Variants in PSD3 observed in about 807,000 individuals in gnomAD.
The protein encoded by PSD3 is pleckstrin and Sec7 domain containing 3, also known as PH and SEC7 domain-containing protein 3.
In PSD3, 49 loss-of-function variants were observed where a neutral mutation model predicts 105.5. The observed-to-expected ratio is 0.46, with a 90% CI of 0.37 to 0.59. PSD3 has a LOEUF of 0.59. PSD3 is among the 20% of genes least tolerant of loss of function. The pLI, the probability that PSD3 is intolerant of heterozygous loss-of-function variation, is 0.00. For missense variants in PSD3, 1,561 were observed against 1,263.8 expected (o/e 1.24, Z -3.57); for synonymous variants, 557 against 457.8 (o/e 1.22, Z -2.77).
chr8:18,673,757 C>T (rs1481494191), intron 9 of PSD3, among the ~76,000 whole-genome samples: 3 of 152,148 alleles, frequency 2.0e-5, no homozygotes, highest in Non-Finnish European at 4.4e-5. Flanking sequence ...CTATTTTCAA[C>T]GTGGGGATCT....
chr8:18,971,480 A>T (rs1215518848), intron 1 of PSD3, among the ~76,000 whole-genome samples: 2 of 152,194 alleles, frequency 1.3e-5, no homozygotes, highest in East Asian at 3.9e-4. Context: ...CTCTCCTGAG[A>T]AAATACCAGA....
At chr8:19,027,061 G>A (rs1827581537) in intron 1 of PSD3, among the ~76,000 whole-genome samples, 1 of 152,062 alleles carries the variant, frequency 6.6e-6, no homozygotes, top group African/African-American at 2.4e-5. Context: ...TAAGAGGACT[G>A]CAAATAGAAT....
intron 4 of PSD3, among the ~76,000 whole-genome samples, chr8:18,834,604 G>A (rs555002167): frequency 7.2e-5 from 11 of 152,178 alleles, no homozygotes; most frequent in African/African-American, 2.6e-4. Context: ...TCTGGGCCGC[G>A]GATACCCATG....
intron 9 of PSD3, among the ~76,000 whole-genome samples, chr8:18,710,396 A>G (rs1802179146): frequency 6.6e-6 from 1 of 152,194 alleles, no homozygotes; most frequent in Non-Finnish European, 1.5e-5. Context: ...GACAGGGGGA[A>G]CAGAACCAGG....
At chr8:18,829,454 G>A (rs1413002568) in intron 4 of PSD3, among the ~76,000 whole-genome samples, 2 of 152,160 alleles carry the variant, frequency 1.3e-5, no homozygotes, top group Non-Finnish European at 2.9e-5. Context: ...TATCTAAAAC[G>A]TTCTAGTGCC....
intron 12 of PSD3, among the ~76,000 whole-genome samples, chr8:18,579,015 A>AT (rs746026091): frequency 9.9e-5 from 15 of 151,680 alleles, no homozygotes; most frequent in Admixed American, 1.3e-4. Flanking sequence ...CAATTTTACC[A>AT]TTTTTTCTTA....
At position 18,866,162 on chromosome 8, in the gene PSD3, T is replaced by C. The variant is rs76920885; in HGVS notation, c.1634+1512A>G. Among the ~76,000 whole-genome samples, 521 of 152,282 alleles carry C rather than the reference T, an allele frequency of 3.4e-3. 5 individuals carry two copies. Among genetic ancestry groups the C allele is most frequent in the African/African-American group, 0.011 (474 of 41,548 alleles). On this transcript the variant is annotated intron_variant, in intron 4 of 15. Transcript: ENST00000327040. ...TTTCAGTGCAATTATCTGCATACCT[T>C]TCCTACAGCGTTTTATCACAATTTG...
intron 1 of PSD3, among the ~76,000 whole-genome samples, chr8:18,963,298 A>G (rs765061982): frequency 7.9e-5 from 12 of 152,164 alleles, no homozygotes; most frequent in Admixed American, 2.0e-4. Flanking sequence ...GCCAAACCAT[A>G]TCACCATATA....
At chr8:18,536,248 G>C (rs752696211) in intron 15 of PSD3, among the ~76,000 whole-genome samples, 2 of 152,180 alleles carry the variant, frequency 1.3e-5, no homozygotes, top group African/African-American at 2.4e-5. Flanking sequence ...CATGAATCTA[G>C]AACACTCAGG....
intron 8 of PSD3, chr8:18,774,465 G>A (rs756889390): frequency 8.0e-5 from 17 of 212,856 alleles, no homozygotes; most frequent in South Asian, 3.2e-4. Flanking sequence ...ACAATACATC[G>A]TGTTCCTTCT....
In PSD3 at chr8:18,580,388, A is replaced by C. The variant is rs58206991; in HGVS notation, c.2482-5103T>G. Among the ~76,000 whole-genome samples, 1,415 of 152,200 alleles carry C rather than the reference A, an allele frequency of 9.3e-3. 18 individuals are homozygous for C. Among genetic ancestry groups the C allele is most frequent in the African/African-American group, 0.033 (1,376 of 41,518 alleles). ...ACCAAGCCCTCCCCTGATGCGACCC[A>C]GTAAACTTTTACAAAACCTACTGGT... On this transcript the variant is annotated intron_variant, in intron 12 of 15. Transcript: ENST00000327040.
At chr8:18,872,798 G>T in intron 2 of PSD3, 65 bp from the exon 3 acceptor site, 1 of 1,418,938 alleles carries the variant, frequency 7.0e-7, no homozygotes, top group Non-Finnish European at 9.5e-7. Flanking sequence ...AGGTAATAAT[G>T]CATATTCACA....
chr8:19,069,633 C>T (rs948964252), intron 1 of PSD3, among the ~76,000 whole-genome samples: 3 of 152,106 alleles, frequency 2.0e-5, no homozygotes, highest in African/African-American at 4.8e-5. Flanking sequence ...ACGTTTTCTA[C>T]GATGTGCAGG....
rs147906780 is a variant in PSD3 at position 18,627,505 on chromosome 8, T to A, written c.2410+5108A>T. Among the ~76,000 whole-genome samples, 86 of 152,144 alleles carry A rather than the reference T, an allele frequency of 5.7e-4. 1 individual carries two copies. Among genetic ancestry groups the A allele is most frequent in the Non-Finnish European group, 9.1e-4 (62 of 67,974 alleles). ...ACAGGGCTAAGAAGAATTTATGTTT[T>A]CATCAGCTAGAGTGGATAGACTGTG... On this transcript the variant is annotated intron_variant, in intron 11 of 15. Transcript: ENST00000327040.
At position 18,666,004 on chromosome 8, in the gene PSD3, A is replaced by T. The variant is rs555293574; in HGVS notation, c.2173-10319T>A. On this transcript the variant is annotated intron_variant, in intron 9 of 15. Coordinates refer to ENST00000327040, the MANE Select transcript of PSD3 (RefSeq NM_015310.4). ...ACCCTCCATAAGCAAAACGATGACA[A>T]CTTGCTGAAGGCTCCAATGACACAC... Among the ~76,000 whole-genome samples, 3 of 152,312 alleles carry T rather than the reference A, an allele frequency of 2.0e-5. No homozygotes were observed. In the East Asian group the frequency reaches 5.8e-4, roughly 29 times the overall value.
chr8:19,034,187 A>C (rs1827869852), intron 1 of PSD3, among the ~76,000 whole-genome samples: 1 of 152,212 alleles, frequency 6.6e-6, no homozygotes, highest in Admixed American at 6.5e-5. Flanking sequence ...AGGCTAGTTC[A>C]GGATAAAAGT....
rs1176982023 is a variant in PSD3, at chr8:18,801,258, G to A, written c.2023+12C>T. 6.9e-7 allele frequency: 1 copy of A among 1,449,166 alleles called. No homozygotes were observed. Among genetic ancestry groups the A allele is most frequent in the Non-Finnish European group, 9.5e-7 (1 of 1,048,270 alleles). 89.8% of individuals were successfully genotyped at this position (1,449,166 alleles called of 1,614,324 possible). A position where few individuals can be genotyped will look rare whatever the true frequency, so the allele number is the denominator to read the frequency against. On this transcript the variant is annotated intron_variant, in intron 7 of 15. Transcript: ENST00000327040. ...ATATAAAAAAGAAATTCAAGGATTTGTATCAGATTACCTTGTGAAGCAATG... is the reference window on the plus strand; with the variant it reads ...ATATAAAAAAGAAATTCAAGGATTTATATCAGATTACCTTGTGAAGCAATG...
intron 1 of PSD3, among the ~76,000 whole-genome samples, chr8:19,024,945 G>C (rs1401306638): frequency 3.3e-5 from 5 of 152,130 alleles, no homozygotes; most frequent in Admixed American, 6.5e-5. Flanking sequence ...TCAGTTCTGT[G>C]AGCTATTCTA....
chr8:18,804,867 C>G lies in PSD3; in HGVS notation c.1666G>C (p.Ala556Pro), dbSNP rs1811060958. 1.2e-6 allele frequency: 2 copies of G among 1,612,556 alleles called. No homozygotes were observed. The highest frequency in any genetic ancestry group is 1.7e-6 in the Non-Finnish European group (2 of 1,178,848). ...TCAGTGCTCCCCATTTCAGAATGAG[C>G]TTCTAGCCGTGTTGTTTTCACCCCA... is the stretch of plus-strand genomic sequence containing the variant. ...NAGVKTTRLE[A>P]HSEMGSTEIL... Residue 556 changes from alanine to proline, a missense_variant, in exon 5 of 16, where the codon GCT (alanine) becomes CCT (proline). By Grantham distance (27) the Ala-to-Pro change is conservative. Transcript: ENST00000327040.
Sources: gnomAD v4.1 joint callset for allele counts (sites outside exome capture counted in the v4.1 genomes callset) on GRCh38, gnomAD v4.1.1 for gene constraint, MANE v1.5 for transcripts, NCBI Gene and HGNC (gene_info 2026-07-23, HGNC 2026-07-21) for gene names.